IREB2: variants seen among roughly 807,000 people sequenced by gnomAD.
IREB2 encodes iron-responsive element-binding protein 2.
In IREB2, 39 loss-of-function variants were observed where a neutral mutation model predicts 118.8. The ratio of observed to expected loss-of-function variants is 0.33; its 90% CI spans 0.25 to 0.43. The LOEUF is 0.43. IREB2 is among the 20% of genes least tolerant of loss of function. The pLI is 1.00. For missense variants in IREB2, 900 were observed against 1,147.3 expected (o/e 0.78, Z 3.11); for synonymous variants, 372 against 392.2 (o/e 0.95, Z 0.61).
At chr15:78,477,420 A>G (rs923554665) in intron 9 of IREB2, among the ~76,000 whole-genome samples, 3 of 152,188 alleles carry the variant, frequency 2.0e-5, no homozygotes, top group African/African-American at 7.2e-5. Context: ...TTGCATGTCT[A>G]ACAGCAAATT....
intron 2 of IREB2, among the ~76,000 whole-genome samples, chr15:78,459,670 T>C (rs2051165401): frequency 1.3e-5 from 2 of 152,238 alleles, no homozygotes; most frequent in South Asian, 4.1e-4. Flanking sequence ...AATCTAAAAC[T>C]GAGTTCGTAT....
rs761799198 is a variant in IREB2 at position 78,471,766 on chromosome 15, T to C, written c.725T>C (p.Val242Ala). The change falls in exon 7 of 22, where the codon GTG (valine) becomes GCG (alanine). Residue 242 changes from valine (V) to alanine (A), a missense_variant. Coordinates refer to ENST00000258886, the MANE Select transcript of IREB2 (RefSeq NM_004136.4). ...TGGAGTTCAAGAGTTTTTAAGAATG[T>C]GGCAGTGATCCCTCCTGGAACTGGA... The part of the protein sequence containing the change: ...FKWSSRVFKN[V>A]AVIPPGTGMA... 2 of 1,609,244 alleles carry C rather than the reference T, an allele frequency of 1.2e-6. No individual in the cohort carries two copies. The highest frequency in any genetic ancestry group is 1.7e-6 in the Non-Finnish European group (2 of 1,177,794).
At chr15:78,440,693 C>T (rs981817121) in intron 2 of IREB2, among the ~76,000 whole-genome samples, 10 of 152,064 alleles carry the variant, frequency 6.6e-5, no homozygotes, top group African/African-American at 2.4e-4. Flanking sequence ...ATGAACAGTG[C>T]CCACATCTAT....
intron 2 of IREB2, among the ~76,000 whole-genome samples, chr15:78,462,084 A>G (rs1009940158): frequency 1.3e-5 from 2 of 152,198 alleles, no homozygotes; most frequent in African/African-American, 2.4e-5. Flanking sequence ...TTAAAATAAT[A>G]TATTATGGAT....
intron 10 of IREB2, among the ~76,000 whole-genome samples, chr15:78,478,997 G>A (rs1427139843): frequency 6.6e-6 from 1 of 152,124 alleles, no homozygotes; most frequent in Non-Finnish European, 1.5e-5. Flanking sequence ...GAGTGCAGTG[G>A]CACAATCATG....
chr15:78,486,917 G>A (rs998894810), intron 13 of IREB2, among the ~76,000 whole-genome samples: 18 of 152,024 alleles, frequency 1.2e-4, no homozygotes, highest in Non-Finnish European at 2.9e-5. Context: ...TGATCGGCTC[G>A]TCTTGGCCCC....
At chr15:78,442,703 T>C (rs1266864825) in intron 2 of IREB2, among the ~76,000 whole-genome samples, 4 of 152,220 alleles carry the variant, frequency 2.6e-5, no homozygotes, top group African/African-American at 9.6e-5. Flanking sequence ...GTGTGGAGAT[T>C]GGCAGACTGG....
intron 16 of IREB2, among the ~76,000 whole-genome samples, chr15:78,489,766 C>T (rs1276763201): frequency 2.0e-5 from 3 of 152,224 alleles, no homozygotes; most frequent in African/African-American, 7.2e-5. Flanking sequence ...CCACCTCAGC[C>T]TCCCAAAGTG....
intron 10 of IREB2, among the ~76,000 whole-genome samples, chr15:78,481,375 T>G (rs1401358794): frequency 1.3e-5 from 2 of 151,802 alleles, no homozygotes; most frequent in Non-Finnish European, 2.9e-5. Flanking sequence ...GCTTTTTTTT[T>G]TGAGAGAATC....
At chr15:78,482,857 C>T (rs1319855867) in intron 10 of IREB2, among the ~76,000 whole-genome samples, 1 of 152,112 alleles carries the variant, frequency 6.6e-6, no homozygotes, top group Non-Finnish European at 1.5e-5. Context: ...ACGCCATTCC[C>T]CTGCCTCAGC....
intron 5 of IREB2, among the ~76,000 whole-genome samples, chr15:78,470,204 G>C (rs1425108934): frequency 6.6e-6 from 1 of 152,206 alleles, no homozygotes; most frequent in East Asian, 1.9e-4. Flanking sequence ...GCTTGTCGTT[G>C]AAGCTACTAC....
intron 2 of IREB2, among the ~76,000 whole-genome samples, chr15:78,448,825 A>C (rs962944266): frequency 1.3e-5 from 2 of 152,156 alleles, no homozygotes; most frequent in Non-Finnish European, 2.9e-5. Context: ...GGCCTAGAGA[A>C]CCTGTGGCTT....
chr15:78,494,396 T>A lies in IREB2; in HGVS notation c.2595+132T>A, dbSNP rs1033473450. 1.0e-5 allele frequency: 9 copies of A among 878,286 alleles called. No homozygotes were observed. The African/African-American group carries it at 1.4e-4, about 13-fold the overall frequency. The allele number at this position is 878,286 out of a possible 1,614,324, so 54.4% of individuals were successfully genotyped here. On this transcript the variant is annotated intron_variant, in intron 20 of 21. Transcript: ENST00000258886. ...AACCTTATAGGTATAGAGGGTTTTG[T>A]TTGTTTGTTTATTTCAGTGATCTTT...
At chr15:78,480,620 C>T (rs780852212) in intron 10 of IREB2, among the ~76,000 whole-genome samples, 4 of 138,698 alleles carry the variant, frequency 2.9e-5, no homozygotes, top group Admixed American at 8.0e-5. Context: ...ACCCAGAAGG[C>T]GGAGGTTGCA....
chr15:78,481,476 C>T (rs1242567107), intron 10 of IREB2, among the ~76,000 whole-genome samples: 5 of 152,064 alleles, frequency 3.3e-5, no homozygotes, highest in Non-Finnish European at 7.4e-5. Context: ...CTGCCTCAGC[C>T]TCCCAGGTAG....
At chr15:78,496,417 C>T (rs2051838500) in intron 20 of IREB2, among the ~76,000 whole-genome samples, 1 of 151,780 alleles carries the variant, frequency 6.6e-6, no homozygotes, top group African/African-American at 2.4e-5. Flanking sequence ...CAGGTGTGCA[C>T]CACCATGTCC....
Position 78,463,203 on chromosome 15 carries a change from C to A in IREB2, c.272+116C>A, listed in dbSNP as rs955763146. On this transcript the variant is annotated intron_variant, in intron 3 of 21. Coordinates refer to ENST00000258886, the MANE Select transcript of IREB2 (RefSeq NM_004136.4). ...CCTCTAATCCCAGTACTTTGGGAGG[C>A]CAAGGCAGGAAGATCACTTGAGCCT... 1.1e-5 allele frequency: 9 copies of A among 837,044 alleles called. No individual in the cohort carries two copies. In the African/African-American group the frequency reaches 1.4e-4, roughly 13 times the overall value. 51.9% of individuals were successfully genotyped at this position (837,044 alleles called of 1,614,324 possible). A position where few individuals can be genotyped will look rare whatever the true frequency, so the allele number is the denominator to read the frequency against.
chr15:78,473,824 TA>T (rs1476758438), intron 8 of IREB2: 2 of 152,576 alleles, frequency 1.3e-5, no homozygotes, highest in African/African-American at 4.8e-5. Flanking sequence ...CTGACTACAT[TA>T]TTTTTTTTCT....
chr15:78,476,547 G>A (rs779130892), intron 9 of IREB2, 188 bp downstream of exon 9: 4 of 424,382 alleles, frequency 9.4e-6, no homozygotes, highest in Non-Finnish European at 1.7e-5. Flanking sequence ...AGTTCCCTGT[G>A]ACACATTGAA....
Sources: allele counts gnomAD v4.1 joint callset (sites outside exome capture counted in the v4.1 genomes callset), GRCh38; gene constraint gnomAD v4.1.1; transcripts MANE v1.5; gene names NCBI Gene and HGNC (gene_info 2026-07-23, HGNC 2026-07-21).